Variants in ELMO1 observed in about 807,000 individuals in gnomAD.
ELMO1 encodes the protein engulfment and cell motility protein 1.
ELMO1 carries 26 observed loss-of-function variants against 98.9 expected under a neutral mutation model. That is an observed-to-expected ratio of 0.26 (90% confidence interval 0.19 to 0.36). The LOEUF (loss-of-function observed/expected upper bound fraction) is 0.36. ELMO1 is among the 10% of genes least tolerant of loss of function. The probability of loss-of-function intolerance (pLI) is 1.00; values close to 1 mark genes in which losing one functional copy is unlikely to be tolerated. For missense variants in ELMO1, 627 were observed against 935.2 expected (o/e 0.67, Z 4.30); for synonymous variants, 346 against 346.0 (o/e 1.00, Z 0.00).
intron 1 of ELMO1, among the ~76,000 whole-genome samples, chr7:37,402,049 C>T (rs943648279): frequency 1.2e-4 from 18 of 152,230 alleles, no homozygotes; most frequent in Non-Finnish European, 2.6e-4. Context: ...TCAGGTCTTT[C>T]GTTCCCTATG....
chr7:37,282,524 G>A (rs1797192463), intron 4 of ELMO1, among the ~76,000 whole-genome samples: 1 of 152,170 alleles, frequency 6.6e-6, no homozygotes, highest in African/African-American at 2.4e-5. Context: ...TACGCTGGTT[G>A]CTAAGTTACA....
intron 15 of ELMO1, among the ~76,000 whole-genome samples, chr7:37,049,242 G>A (rs960764373): frequency 1.2e-4 from 19 of 152,044 alleles, no homozygotes; most frequent in African/African-American, 4.6e-4. Flanking sequence ...GCCTGCAACC[G>A]AGCAGGGACA....
chr7:36,879,780 G>T (rs1267792164), intron 18 of ELMO1, among the ~76,000 whole-genome samples: 1 of 152,174 alleles, frequency 6.6e-6, no homozygotes, highest in Non-Finnish European at 1.5e-5. Context: ...GAAAATATTT[G>T]AAATTGCTAA....
intron 4 of ELMO1, among the ~76,000 whole-genome samples, chr7:37,280,665 G>A (rs1294080746): frequency 6.6e-6 from 1 of 151,842 alleles, no homozygotes; most frequent in Non-Finnish European, 1.5e-5. Flanking sequence ...CTTTACTCTT[G>A]CAAGAATGGC....
chr7:36,894,369 C>T (rs1232570724), intron 17 of ELMO1, among the ~76,000 whole-genome samples: 1 of 152,176 alleles, frequency 6.6e-6, no homozygotes, highest in Non-Finnish European at 1.5e-5. Context: ...CCAGTGCCAA[C>T]AGGGCAAAGA....
rs116803654 is a variant in ELMO1 at position 37,066,667 on chromosome 7, G to A, written c.1300+29952C>T. Among the ~76,000 whole-genome samples, 1,208 of 152,274 alleles carry A rather than the reference G, an allele frequency of 7.9e-3. 16 individuals carry two copies. The highest frequency in any genetic ancestry group is 0.028 in the African/African-American group (1,147 of 41,562). On this transcript the variant is annotated intron_variant, in intron 15 of 21. Transcript: ENST00000310758. The stretch of plus-strand genomic sequence containing the variant: ...TTCCCAACACAAAGAAATGATAAAT[G>A]ACTGAGATGATGGATATGCTAATTA...
At chr7:36,939,088 A>G (rs1261005948) in intron 16 of ELMO1, among the ~76,000 whole-genome samples, 1 of 152,206 alleles carries the variant, frequency 6.6e-6, no homozygotes, top group African/African-American at 2.4e-5. Context: ...TTTACCTGCA[A>G]AATTGTTTAA....
At chr7:36,879,415 T>C (rs1804241562) in intron 18 of ELMO1, among the ~76,000 whole-genome samples, 1 of 152,260 alleles carries the variant, frequency 6.6e-6, no homozygotes, top group Admixed American at 6.5e-5. Flanking sequence ...ACCTCATTAT[T>C]GCACCTGAAA....
chr7:37,152,076 C>T (rs1788402909), intron 13 of ELMO1, among the ~76,000 whole-genome samples: 1 of 152,140 alleles, frequency 6.6e-6, no homozygotes, highest in Non-Finnish European at 1.5e-5. Flanking sequence ...CATGTGAATG[C>T]CACATTGCCC....
intron 4 of ELMO1, among the ~76,000 whole-genome samples, chr7:37,307,829 C>A (rs1798690088): frequency 6.6e-6 from 1 of 152,268 alleles, no homozygotes; most frequent in African/African-American, 2.4e-5. Flanking sequence ...AACAACCATG[C>A]AGCTGGGTGT....
At chr7:37,245,231 T>C (rs1794938895) in intron 6 of ELMO1, among the ~76,000 whole-genome samples, 1 of 152,182 alleles carries the variant, frequency 6.6e-6, no homozygotes, top group Non-Finnish European at 1.5e-5. Flanking sequence ...AGATGGTGCC[T>C]GCATCGCAGG....
At chr7:36,950,987 C>A (rs959335420) in intron 16 of ELMO1, among the ~76,000 whole-genome samples, 2 of 152,204 alleles carry the variant, frequency 1.3e-5, no homozygotes, top group African/African-American at 4.8e-5. Context: ...ATGATTCCCC[C>A]TCTCCACCAC....
intron 13 of ELMO1, among the ~76,000 whole-genome samples, chr7:37,181,509 C>G (rs1790859373): frequency 6.6e-6 from 1 of 152,124 alleles, no homozygotes; most frequent in Admixed American, 6.5e-5. Flanking sequence ...GACAGAAATG[C>G]AATCCTAGTT....
At chr7:37,033,211 T>A (rs531960869) in intron 15 of ELMO1, 2 of 349,574 alleles carry the variant, frequency 5.7e-6, no homozygotes, top group South Asian at 4.3e-5. Context: ...GGTGGGTTTA[T>A]GGTACCCAAA....
intron 15 of ELMO1, among the ~76,000 whole-genome samples, chr7:37,052,198 T>C (rs531131962): frequency 6.6e-6 from 1 of 152,286 alleles, no homozygotes; most frequent in East Asian, 1.9e-4. Flanking sequence ...AGCCCAGCAG[T>C]GTTCTCCTCT....
intron 15 of ELMO1, among the ~76,000 whole-genome samples, chr7:37,083,087 G>C (rs1289803598): frequency 1.3e-5 from 2 of 152,202 alleles, no homozygotes; most frequent in East Asian, 3.9e-4. Flanking sequence ...GGAACATGAG[G>C]ACCATACAGG....
At chr7:36,963,195 C>T (rs1442356072) in intron 16 of ELMO1, among the ~76,000 whole-genome samples, 2 of 151,646 alleles carry the variant, frequency 1.3e-5, no homozygotes, top group African/African-American at 2.4e-5. Flanking sequence ...CTGGCCAACA[C>T]AGTGAAACCC....
chr7:36,941,015 G>C (rs1043113970), intron 16 of ELMO1, among the ~76,000 whole-genome samples: 1 of 152,174 alleles, frequency 6.6e-6, no homozygotes, highest in Non-Finnish European at 1.5e-5. Context: ...AGATAGCATC[G>C]GCTCTCAGCT....
At chr7:36,975,714 G>A (rs1790472313) in intron 16 of ELMO1, among the ~76,000 whole-genome samples, 1 of 148,018 alleles carries the variant, frequency 6.8e-6, no homozygotes. Context: ...GGGCGTGGTG[G>A]TGCATGCCTG....
Sources: gnomAD v4.1 joint callset for allele counts (sites outside exome capture counted in the v4.1 genomes callset) on GRCh38, gnomAD v4.1.1 for gene constraint, MANE v1.5 for transcripts, NCBI Gene and HGNC (gene_info 2026-07-23, HGNC 2026-07-21) for gene names.